MAP3K5: variants seen among roughly 807,000 people sequenced by gnomAD.
MAP3K5 encodes ASK-1.
Under a neutral mutation model 158.7 loss-of-function variants are expected in MAP3K5, and 56 were observed. That is an observed-to-expected ratio of 0.35 (90% CI 0.28 to 0.44). MAP3K5 has a LOEUF of 0.44. MAP3K5 is among the 20% of genes least tolerant of loss of function. MAP3K5 has a pLI of 1.00. For missense variants in MAP3K5, 1,294 were observed against 1,674.8 expected (o/e 0.77, Z 3.97); for synonymous variants, 579 against 601.7 (o/e 0.96, Z 0.55).
At chr6:136,652,950 G>A (rs991569613) in intron 10 of MAP3K5, among the ~76,000 whole-genome samples, 1 of 152,148 alleles carries the variant, frequency 6.6e-6, no homozygotes, top group Admixed American at 6.5e-5. Flanking sequence ...CTTAAAGGTA[G>A]ATATACCTCA....
At chr6:136,720,673 T>G in intron 1 of MAP3K5, 84 bp from the exon 2 acceptor site, 4 of 1,000,576 alleles carry the variant, frequency 4.0e-6, no homozygotes, top group Non-Finnish European at 5.8e-6. Flanking sequence ...TATCTTAGTA[T>G]TCAAAAGAGG....
At chr6:136,735,111 T>C (rs1389548427) in intron 1 of MAP3K5, among the ~76,000 whole-genome samples, 2 of 152,246 alleles carry the variant, frequency 1.3e-5, no homozygotes, top group African/African-American at 2.4e-5. Flanking sequence ...AACTCATGCT[T>C]GAGGTTGTTC....
intron 7 of MAP3K5, among the ~76,000 whole-genome samples, chr6:136,675,744 G>A (rs1779677026): frequency 1.3e-5 from 2 of 151,986 alleles, no homozygotes; most frequent in South Asian, 4.1e-4. Context: ...CTTCAAAGTA[G>A]AAGGGTATAA....
intron 15 of MAP3K5, among the ~76,000 whole-genome samples, chr6:136,622,201 G>A (rs1776837298): frequency 6.6e-6 from 1 of 152,070 alleles, no homozygotes; most frequent in Admixed American, 6.6e-5. Flanking sequence ...ACTCATGAAA[G>A]TGTGACCCTC....
At chr6:136,634,447 C>T (rs549914594) in intron 14 of MAP3K5, among the ~76,000 whole-genome samples, 11 of 152,174 alleles carry the variant, frequency 7.2e-5, no homozygotes, top group Non-Finnish European at 1.0e-4. Flanking sequence ...CTCTTGAAGC[C>T]GGTCTGCTTG....
chr6:136,564,752 T>C (rs771441757), intron 26 of MAP3K5, among the ~76,000 whole-genome samples: 7 of 152,188 alleles, frequency 4.6e-5, no homozygotes, highest in Non-Finnish European at 1.0e-4. Context: ...CATATTTGAG[T>C]CCTCGTGGAC....
chr6:136,569,317 T>C (rs866131705), intron 25 of MAP3K5, among the ~76,000 whole-genome samples: 2 of 152,328 alleles, frequency 1.3e-5, no homozygotes, highest in Middle Eastern at 6.8e-3. Context: ...TCCTGATCCA[T>C]GAGAGATTCA....
At chr6:136,578,305 A>G (rs1774710654) in intron 25 of MAP3K5, among the ~76,000 whole-genome samples, 1 of 152,216 alleles carries the variant, frequency 6.6e-6, no homozygotes, top group Admixed American at 6.5e-5. Flanking sequence ...ACACCATGCA[A>G]AATTTCCACC....
chr6:136,604,351 A>G (rs1776010551), intron 19 of MAP3K5, among the ~76,000 whole-genome samples: 1 of 152,050 alleles, frequency 6.6e-6, no homozygotes, highest in African/African-American at 2.4e-5. Flanking sequence ...GAAAGAAAGA[A>G]AAAAAGAAAA....
chr6:136,560,397 C>G (rs1486537498), intron 28 of MAP3K5, among the ~76,000 whole-genome samples: 1 of 152,008 alleles, frequency 6.6e-6, no homozygotes, highest in African/African-American at 2.4e-5. Context: ...GGGAATCTCT[C>G]GAGCCTGGCA....
At chr6:136,721,025 T>C in intron 1 of MAP3K5, among the ~76,000 whole-genome samples, 1 of 152,136 alleles carries the variant, frequency 6.6e-6, no homozygotes, top group Non-Finnish European at 1.5e-5. Flanking sequence ...ATAATCCTCC[T>C]GCCTCGGCTT....
In MAP3K5 at chr6:136,567,835, G is replaced by A; in HGVS notation, c.3557C>T (p.Thr1186Ile). ...PHFSLASESD[T>I]ADQEDLDVED... is the part of the protein sequence containing the mutation. ...TACATCCAAGTCTTCTTGATCAGCA[G>A]TATCACTCTCAGATGCAAGGCTGAA... The change falls in exon 26 of 30, where the codon ACT becomes ATT. Residue 1186 changes from threonine (T) to isoleucine (I), a missense_variant. Thr to Ile is a moderately conservative substitution (Grantham distance 89). Around this residue, in one of 5 missense-constraint regions of MAP3K5, gnomAD observed 199 missense variants for 220.3 expected, o/e 0.90. Coordinates refer to ENST00000359015, the MANE Select transcript of MAP3K5 (RefSeq NM_005923.4). The A allele has an allele frequency of 6.2e-7, 1 of 1,614,072 alleles. No individual in the cohort carries two copies. The highest frequency in any genetic ancestry group is 8.5e-7 in the Non-Finnish European group (1 of 1,179,978).
Position 136,776,906 on chromosome 6 carries a change from C to T in MAP3K5, c.448+14804G>A, listed in dbSNP as rs189742910. Among the ~76,000 whole-genome samples, 263 of 152,246 alleles carry T rather than the reference C, an allele frequency of 1.7e-3. 2 individuals carry two copies. Among genetic ancestry groups the T allele is most frequent in the African/African-American group, 6.2e-3 (256 of 41,538 alleles). On this transcript the variant is annotated intron_variant, in intron 1 of 29. Coordinates refer to ENST00000359015, the MANE Select transcript of MAP3K5 (RefSeq NM_005923.4). ...GACATTCTAATCATCACGGCAGGAT[C>T]GGTCCTTGGGTAACCCACTCATATG...
intron 11 of MAP3K5, among the ~76,000 whole-genome samples, chr6:136,643,971 T>C (rs971993608): frequency 6.6e-6 from 1 of 152,150 alleles, no homozygotes; most frequent in African/African-American, 2.4e-5. Context: ...CAATGCAGCC[T>C]TATCCTCAGA....
At chr6:136,705,083 C>T in intron 3 of MAP3K5, 27 bp downstream of exon 3, 1 of 1,106,794 alleles carries the variant, frequency 9.0e-7, no homozygotes, top group Non-Finnish European at 1.3e-6. Context: ...ATTTTTAAAA[C>T]TCTGGAAGGT....
chr6:136,703,573 T>TA (rs1471003870), intron 3 of MAP3K5, among the ~76,000 whole-genome samples: 2 of 152,188 alleles, frequency 1.3e-5, no homozygotes, highest in Non-Finnish European at 2.9e-5. Context: ...AGTATTTGTT[T>TA]AAAAAAACGT....
At chr6:136,616,322 G>A (rs1310126974) in intron 15 of MAP3K5, among the ~76,000 whole-genome samples, 1 of 40,862 alleles carries the variant, frequency 2.4e-5, no homozygotes, top group South Asian at 7.7e-4. Context: ...TTTTTTTTTT[G>A]AGATGGAGTT....
chr6:136,726,603 AG>A (rs952566486), intron 1 of MAP3K5, among the ~76,000 whole-genome samples: 2 of 152,272 alleles, frequency 1.3e-5, no homozygotes, highest in African/African-American at 4.8e-5. Context: ...AAAAAAAAAA[AG>A]AATACGGAAT....
At chr6:136,645,980 T>C (rs1778235902) in intron 11 of MAP3K5, among the ~76,000 whole-genome samples, 1 of 152,076 alleles carries the variant, frequency 6.6e-6, no homozygotes, top group Admixed American at 6.5e-5. Context: ...GCTTCTCTGT[T>C]ATTTATAGTT....
Sources: allele counts gnomAD v4.1 joint callset (sites outside exome capture counted in the v4.1 genomes callset), GRCh38; gene constraint gnomAD v4.1.1; regional missense constraint gnomAD v4.1.1; transcripts MANE v1.5; gene names NCBI Gene and HGNC (gene_info 2026-07-23, HGNC 2026-07-21).